The following GPHN variants were observed in gnomAD, a reference collection of about 807,000 sequenced individuals.
The protein encoded by GPHN is gephyrin.
In GPHN, 17 loss-of-function variants were observed where a neutral mutation model predicts 95.5. The observed-to-expected ratio is 0.18, with a 90% CI of 0.12 to 0.27. The LOEUF (loss-of-function observed/expected upper bound fraction) is 0.27, where lower values mean the gene tolerates loss of function less well. Ranked by LOEUF, GPHN falls within the 10% of genes least tolerant of loss-of-function variation. GPHN has a pLI of 1.00. For missense variants in GPHN, 660 were observed against 978.1 expected (o/e 0.67, Z 4.34); for synonymous variants, 320 against 322.5 (o/e 0.99, Z 0.08).
At chr14:66,591,050 G>A (rs183176960) in intron 1 of GPHN, among the ~76,000 whole-genome samples, 2,037 of 152,144 alleles carry the variant, frequency 0.013, 24 homozygotes, top group Non-Finnish European at 0.018. Flanking sequence ...AAGCAACGAT[G>A]AAAACCACAT....
chr14:67,452,735 T>C, the GPHN span, among the ~76,000 whole-genome samples: 5 of 152,358 alleles, frequency 3.3e-5, no homozygotes, highest in African/African-American at 9.6e-5. Context: ...TTTCTCTCTC[T>C]GTGCCCAGTT....
intron 9 of GPHN, among the ~76,000 whole-genome samples, chr14:67,000,945 G>T (rs1039217632): frequency 6.6e-6 from 1 of 151,412 alleles, no homozygotes; most frequent in Non-Finnish European, 1.5e-5. Context: ...ACACACTATT[G>T]TAGTTGGCAC....
chr14:66,782,129 A>T (rs2059627783), intron 3 of GPHN, among the ~76,000 whole-genome samples: 1 of 152,202 alleles, frequency 6.6e-6, no homozygotes, highest in African/African-American at 2.4e-5. Context: ...CATGGGAAAA[A>T]TCCTGAGGGA....
the GPHN span, among the ~76,000 whole-genome samples, chr14:67,450,297 G>T: frequency 6.6e-6 from 1 of 152,074 alleles, no homozygotes; most frequent in South Asian, 2.1e-4. Flanking sequence ...ACAGTAAATT[G>T]GTACCAGTAG....
chr14:66,956,955 G>A (rs1288520018), intron 8 of GPHN, among the ~76,000 whole-genome samples: 1 of 121,344 alleles, frequency 8.2e-6, no homozygotes, highest in East Asian at 2.6e-4. Context: ...CACACTCTGG[G>A]GACTGTTGTG....
chr14:66,792,155 T>C (rs1258071222), intron 3 of GPHN, among the ~76,000 whole-genome samples: 1 of 152,116 alleles, frequency 6.6e-6, no homozygotes, highest in Non-Finnish European at 1.5e-5. Flanking sequence ...AGTAGGGACA[T>C]AGCTAGACTC....
At chr14:67,180,669 A>T in intron 22 of GPHN, 135 bp from the exon 23 acceptor site, 1 of 764,830 alleles carries the variant, frequency 1.3e-6, no homozygotes, top group Non-Finnish European at 2.3e-6. Context: ...TGAAAAAGGT[A>T]CTGGAAAGTT....
chr14:67,701,015 A>C, the GPHN span, among the ~76,000 whole-genome samples: 1 of 107,044 alleles, frequency 9.3e-6, no homozygotes, highest in African/African-American at 3.3e-5. Flanking sequence ...CAAGAGCAAA[A>C]TTTCATCTCA....
intron 1 of GPHN, among the ~76,000 whole-genome samples, chr14:66,543,869 G>A (rs181505533): frequency 2.0e-5 from 3 of 152,246 alleles, no homozygotes; most frequent in Admixed American, 2.0e-4. Context: ...TTGTCTCTCA[G>A]TTACCCTTTT....
chr14:66,585,708 G>T (rs1362705828), intron 1 of GPHN, among the ~76,000 whole-genome samples: 8 of 152,076 alleles, frequency 5.3e-5, no homozygotes, highest in Middle Eastern at 6.8e-3. Context: ...TTTGAGTGAG[G>T]TTCTTAATCC....
At chr14:67,511,877 C>T in the GPHN span, among the ~76,000 whole-genome samples, 81 of 152,338 alleles carry the variant, frequency 5.3e-4, no homozygotes, top group Middle Eastern at 0.014. Context: ...ACCCTCTTTT[C>T]CATCTTGGAA....
At chr14:67,339,839 G>A in the GPHN span, among the ~76,000 whole-genome samples, 7 of 152,028 alleles carry the variant, frequency 4.6e-5, no homozygotes, top group Non-Finnish European at 7.4e-5. Flanking sequence ...TGGCTCATGC[G>A]TGTAATCCCA....
chr14:67,561,968 T>G, the GPHN span: 1 of 1,613,312 alleles, frequency 6.2e-7, no homozygotes, highest in Non-Finnish European at 8.5e-7. Flanking sequence ...AGATGGAGAA[T>G]CAGCATCTGA....
the GPHN span, among the ~76,000 whole-genome samples, chr14:67,251,393 C>G: frequency 6.6e-6 from 1 of 152,044 alleles, no homozygotes; most frequent in Non-Finnish European, 1.5e-5. Context: ...ATTAGCTGGA[C>G]TTGGTGGTGT....
chr14:67,316,928 G>A, the GPHN span: 1 of 1,580,174 alleles, frequency 6.3e-7, no homozygotes, highest in South Asian at 1.1e-5. Flanking sequence ...TTTGACATAA[G>A]TAAATGGTTT....
At chr14:66,612,025 C>T (rs916446629) in intron 1 of GPHN, among the ~76,000 whole-genome samples, 6 of 151,966 alleles carry the variant, frequency 3.9e-5, no homozygotes, top group African/African-American at 1.2e-4. Flanking sequence ...TATATTCCAT[C>T]GTTCTTTTTT....
At chr14:67,700,007 G>A in the GPHN span, among the ~76,000 whole-genome samples, 4 of 152,038 alleles carry the variant, frequency 2.6e-5, no homozygotes, top group Non-Finnish European at 5.9e-5. Context: ...GGGCGTGGTG[G>A]TGCGCACCTG....
At chr14:67,343,898 G>T in the GPHN span, among the ~76,000 whole-genome samples, 75 of 152,234 alleles carry the variant, frequency 4.9e-4, no homozygotes, top group African/African-American at 1.7e-3. Context: ...GATTTCCATA[G>T]GGCTAACACT....
At chr14:67,522,667 C>T in the GPHN span, among the ~76,000 whole-genome samples, 1 of 152,128 alleles carries the variant, frequency 6.6e-6, no homozygotes, top group Admixed American at 6.5e-5. Flanking sequence ...CAGCTAGGTC[C>T]TGGGTTGGGG....
Sources: gnomAD v4.1 joint callset for allele counts (sites outside exome capture counted in the v4.1 genomes callset) on GRCh38, gnomAD v4.1.1 for gene constraint, MANE v1.5 for transcripts, NCBI Gene and HGNC (gene_info 2026-07-23, HGNC 2026-07-21) for gene names.